Variants in TMEM65 observed in about 807,000 individuals in gnomAD.
The protein encoded by TMEM65 is transmembrane protein 65.
Under a neutral mutation model 25.4 loss-of-function variants are expected in TMEM65, and 22 were observed. The observed-to-expected ratio is 0.86, with a 90% confidence interval of 0.62 to 1.23. TMEM65 has a LOEUF of 1.23. Among genes scored for constraint, TMEM65 ranks in the 50% most tolerant of loss-of-function variants. The pLI is 0.00. For synonymous variants in TMEM65, 132 were observed against 126.2 expected (o/e 1.05, Z -0.31); for missense variants, 262 against 308.2 (o/e 0.85, Z 1.12).
rs930434517 is a variant in TMEM65 at position 124,306,908 on chromosome 8, C to T, written c.*7052G>A. The T allele has an allele frequency of 6.6e-6, 1 of 151,640 alleles. No individual in the cohort carries two copies. Among genetic ancestry groups the T allele is most frequent in the African/African-American group, 2.4e-5 (1 of 41,216 alleles). The allele number at this position is 151,640 out of a possible 1,614,324, so 9.4% of individuals were successfully genotyped here. A position where few individuals can be genotyped will look rare whatever the true frequency, so the allele number is the denominator to read the frequency against. ...AGGTTGCAGTGAGCCGGCATGGTGC[C>T]ACTGCACTCCAGCCTGGACAACAGA... On this transcript the variant is annotated 3_prime_UTR_variant, in exon 7 of 7. Coordinates refer to ENST00000297632, the MANE Select transcript of TMEM65 (RefSeq NM_194291.3).
intron 4 of TMEM65, among the ~76,000 whole-genome samples, chr8:124,322,769 G>A (rs928989286): frequency 3.9e-5 from 6 of 152,094 alleles, no homozygotes; most frequent in Middle Eastern, 6.8e-3. Flanking sequence ...AGGCCGAGGC[G>A]GGCAGATCAC....
Position 124,306,625 on chromosome 8 carries a change from C to T in TMEM65, c.*7335G>A, listed in dbSNP as rs1814094303. ...AGACACTAGTCTATTTTATCATTTACTACCATAAATATATACAAATCTATT... is the reference window on the plus strand; with the variant it reads ...AGACACTAGTCTATTTTATCATTTATTACCATAAATATATACAAATCTATT... On this transcript the variant is annotated 3_prime_UTR_variant, in exon 7 of 7. Transcript: ENST00000297632. 6.6e-6 allele frequency: 1 copy of T among 152,116 alleles called. No individual in the cohort carries two copies. The highest frequency in any genetic ancestry group is 2.4e-5 in the African/African-American group (1 of 41,410). 9.4% of individuals were successfully genotyped at this position (152,116 alleles called of 1,614,324 possible).
At chr8:124,324,308 C>T (rs1312929500) in intron 3 of TMEM65, among the ~76,000 whole-genome samples, 2 of 152,112 alleles carry the variant, frequency 1.3e-5, no homozygotes, top group Admixed American at 6.6e-5. Context: ...GAGGTTTCCT[C>T]AAGTTTCTTT....
rs189944226 is a variant in TMEM65 at position 124,352,849 on chromosome 8, G to A, written c.304+19005C>T. On this transcript the variant is annotated intron_variant, in intron 1 of 6. Transcript: ENST00000297632. ...TAAGGTGTCAGAACCCAGTTGGGCC[G>A]GGTCCAGTGGCTCACGCCTGTAATC... Among the ~76,000 whole-genome samples, 9 of 152,286 alleles carry A rather than the reference G, an allele frequency of 5.9e-5. No homozygotes were observed. The East Asian group carries it at 7.7e-4, about 13-fold the overall frequency.
In TMEM65 at chr8:124,372,024, C is replaced by T; in HGVS notation, c.134G>A (p.Gly45Asp). ...CCGCCTGGGGCCGCCCGGCAAGCCG[C>T]CGGGGGGCGCGAGCGCCAGCAGCCC... ...GRGLLALAPPGGLPGGPRRLG... is the reference protein window; with the variant it reads ...GRGLLALAPPDGLPGGPRRLG... Residue 45 changes from glycine (G) to aspartate (D), a missense_variant, in exon 1 of 7, where the codon GGC becomes GAC. Transcript: ENST00000297632. 1.6e-6 allele frequency: 2 copies of T among 1,271,032 alleles called. No homozygotes were observed. The highest frequency in any genetic ancestry group is 2.0e-6 in the Non-Finnish European group (2 of 1,007,598). The allele number at this position is 1,271,032 out of a possible 1,614,324, so 78.7% of individuals were successfully genotyped here. A position where few individuals can be genotyped will look rare whatever the true frequency, so the allele number is the denominator to read the frequency against.
At chr8:124,317,137 T>C (rs1814247312) in intron 6 of TMEM65, among the ~76,000 whole-genome samples, 1 of 152,206 alleles carries the variant, frequency 6.6e-6, no homozygotes, top group South Asian at 2.1e-4. Flanking sequence ...TTTTGTACTC[T>C]GTATGAATAT....
chr8:124,369,883 C>T (rs1327605954), intron 1 of TMEM65, among the ~76,000 whole-genome samples: 1 of 152,152 alleles, frequency 6.6e-6, no homozygotes, highest in Non-Finnish European at 1.5e-5. Flanking sequence ...ATTTTGTCAT[C>T]GACATCAGCA....
intron 1 of TMEM65, among the ~76,000 whole-genome samples, chr8:124,370,061 C>T (rs1213295351): frequency 1.3e-5 from 2 of 152,104 alleles, no homozygotes; most frequent in Non-Finnish European, 2.9e-5. Context: ...TTAATTGATG[C>T]TAATGATCTC....
chr8:124,340,198 T>C (rs903104621), intron 1 of TMEM65, among the ~76,000 whole-genome samples: 15 of 152,176 alleles, frequency 9.9e-5, no homozygotes, highest in Non-Finnish European at 1.9e-4. Context: ...TTTAATAAAT[T>C]CATGAGTGTT....
In TMEM65 at chr8:124,328,736, C is replaced by T. The variant is rs150241453; in HGVS notation, c.350-1315G>A. On this transcript the variant is annotated intron_variant, in intron 2 of 6. Coordinates refer to ENST00000297632, the MANE Select transcript of TMEM65 (RefSeq NM_194291.3). ...CATTAAAATGCTGAGTTTTGTACTA[C>T]GTCCAAAAAAATAATCCCTTAAACC... 3.5e-3 allele frequency among the ~76,000 whole-genome samples: 534 copies of T among 152,118 alleles called. 3 individuals are homozygous for T. Among genetic ancestry groups the T allele is most frequent in the South Asian group, 6.2e-3 (30 of 4,824 alleles).
chr8:124,310,170 T>G lies in TMEM65; in HGVS notation c.*3790A>C, dbSNP rs2131188501. Reference sequence around the variant, plus strand: ...GACTCCATCTCAAAAAAAAGTATATTTGCTTTTCTGTGTTCTCTTCCCCTA... The same window carrying G: ...GACTCCATCTCAAAAAAAAGTATATGTGCTTTTCTGTGTTCTCTTCCCCTA... On this transcript the variant is annotated 3_prime_UTR_variant, in exon 7 of 7. Coordinates refer to ENST00000297632, the MANE Select transcript of TMEM65 (RefSeq NM_194291.3). The G allele has an allele frequency of 6.6e-6, 1 of 152,344 alleles. No individual in the cohort carries two copies. Among genetic ancestry groups the G allele is most frequent in the African/African-American group, 2.4e-5 (1 of 41,514 alleles). 9.4% of individuals were successfully genotyped at this position (152,344 alleles called of 1,614,324 possible).
At chr8:124,333,472 T>TGTGTGTGTGTGCGC (rs1814462245) in intron 1 of TMEM65, among the ~76,000 whole-genome samples, 2 of 119,840 alleles carry the variant, frequency 1.7e-5, no homozygotes, top group African/African-American at 7.3e-5. Context: ...TGTGTGTGCG[T>TGTGTGTGTGTGCGC]GTGTGTGTGT....
chr8:124,368,581 TGCTCTCTC>T (rs771996503), intron 1 of TMEM65, among the ~76,000 whole-genome samples: 52 of 152,356 alleles, frequency 3.4e-4, no homozygotes, highest in Non-Finnish European at 6.2e-4. Context: ...CGCTCTCTCT[TGCTCTCTC>T]GCTCTCTCAT....
chr8:124,370,100 A>T (rs904369781), intron 1 of TMEM65, among the ~76,000 whole-genome samples: 1 of 152,192 alleles, frequency 6.6e-6, no homozygotes, highest in African/African-American at 2.4e-5. Flanking sequence ...GGTCCTTTTC[A>T]GAATATTTAA....
intron 1 of TMEM65, among the ~76,000 whole-genome samples, chr8:124,338,569 A>C (rs574843319): frequency 2.2e-4 from 33 of 152,306 alleles, no homozygotes; most frequent in African/African-American, 7.9e-4. Flanking sequence ...TCCTTAAAAG[A>C]AAGTTCCAAG....
intron 1 of TMEM65, among the ~76,000 whole-genome samples, chr8:124,346,104 A>C (rs1245039102): frequency 6.6e-6 from 1 of 152,218 alleles, no homozygotes; most frequent in Non-Finnish European, 1.5e-5. Context: ...CAGGAAACTT[A>C]AAATCGTGGC....
chr8:124,372,195 C>G lies in TMEM65; in HGVS notation c.-38G>C, dbSNP rs7841552. 0.87 allele frequency: 1,065,004 copies of G among 1,227,108 alleles called. 463,320 individuals are homozygous for G. The highest frequency in any genetic ancestry group is 1 in the East Asian group (17,879 of 17,908). 76.0% of individuals were successfully genotyped at this position (1,227,108 alleles called of 1,614,324 possible). On this transcript the variant is annotated 5_prime_UTR_variant, in exon 1 of 7. Coordinates refer to ENST00000297632, the MANE Select transcript of TMEM65 (RefSeq NM_194291.3). ...AGCTGGGACCCCCGCGGCCGTCCGG[C>G]AAGGCGGTTTCTGGCGCGGCTGAGG... is the stretch of plus-strand genomic sequence containing the variant.
chr8:124,316,272 G>A (rs1437618704), intron 6 of TMEM65, among the ~76,000 whole-genome samples: 1 of 152,170 alleles, frequency 6.6e-6, no homozygotes, highest in Non-Finnish European at 1.5e-5. Flanking sequence ...GCTAATTGTA[G>A]AACTTGAGTC....
intron 1 of TMEM65, among the ~76,000 whole-genome samples, chr8:124,340,469 T>C (rs950139493): frequency 7.2e-5 from 11 of 152,184 alleles, no homozygotes; most frequent in African/African-American, 2.4e-4. Context: ...ACTTGGGTAA[T>C]CTTTGGCAAA....
Sources: gnomAD v4.1 joint callset for allele counts (sites outside exome capture counted in the v4.1 genomes callset) on GRCh38, gnomAD v4.1.1 for gene constraint, MANE v1.5 for transcripts, NCBI Gene and HGNC (gene_info 2026-07-23, HGNC 2026-07-21) for gene names.